Variants in FXN observed in about 807,000 individuals in gnomAD.
FXN encodes the protein frataxin, mitochondrial.
Under a neutral mutation model 22.4 loss-of-function variants are expected in FXN, and 14 were observed. The observed-to-expected ratio is 0.62, with a 90% CI of 0.41 to 0.98. The LOEUF (loss-of-function observed/expected upper bound fraction) is 0.98. Ranked by LOEUF, FXN falls within the 50% of genes least tolerant of loss-of-function variation. The pLI is 0.00. For missense variants in FXN, 267 were observed against 268.4 expected, an observed-to-expected ratio of 0.99 and a Z score of 0.04; for synonymous variants, 120 against 114.1, an observed-to-expected ratio of 1.05 and a Z score of -0.33.
intron 3 of FXN, among the ~76,000 whole-genome samples, chr9:69,056,740 CTT>C (rs796950003): frequency 6.3e-5 from 9 of 142,866 alleles, no homozygotes; most frequent in African/African-American, 2.0e-4. Context: ...TGAAGTGAGT[CTT>C]TTTTTTTTTT....
chr9:69,066,082 C>T (rs1343912252), intron 4 of FXN, among the ~76,000 whole-genome samples: 1 of 152,190 alleles, frequency 6.6e-6, no homozygotes, highest in Non-Finnish European at 1.5e-5. Context: ...CAGGGAGAGA[C>T]ATCCCTCATC....
chr9:69,052,482 C>T (rs938343961), intron 2 of FXN, among the ~76,000 whole-genome samples: 1 of 151,518 alleles, frequency 6.6e-6, no homozygotes, highest in African/African-American at 2.4e-5. Flanking sequence ...ATTGTAGTTG[C>T]CTCTGGGAAT....
At position 69,078,828 on chromosome 9, in the gene FXN, G is replaced by A; in HGVS notation, c.*6066G>A. On this transcript the variant is annotated 3_prime_UTR_variant, in exon 5 of 5. Coordinates refer to ENST00000484259, the MANE Select transcript of FXN (RefSeq NM_000144.5). ...CTCCTCCTCCACTCAGCCTCTGCCT[G>A]GATGCCCTTGATTGTTCCATGTCCT... 1.0e-6 allele frequency: 1 copy of A among 985,672 alleles called. No homozygotes were observed. The allele number at this position is 985,672 out of a possible 1,614,324, so 61.1% of individuals were successfully genotyped here.
At position 69,074,249 on chromosome 9, in the gene FXN, G is replaced by A. The variant is rs1477254198; in HGVS notation, c.*1487G>A. On this transcript the variant is annotated 3_prime_UTR_variant, in exon 5 of 5. Coordinates refer to ENST00000484259, the MANE Select transcript of FXN (RefSeq NM_000144.5). The stretch of plus-strand genomic sequence containing the variant: ...TTATTGTACCCTTACTGGGTTAATC[G>A]TATTATACCACATTACCTCATTTTA... 1.2e-5 allele frequency: 12 copies of A among 979,114 alleles called. No homozygotes were observed. Among genetic ancestry groups the A allele is most frequent in the Non-Finnish European group, 1.5e-5 (12 of 824,464 alleles). The allele number at this position is 979,114 out of a possible 1,614,324, so 60.7% of individuals were successfully genotyped here.
chr9:69,043,523 A>G (rs932270478), intron 1 of FXN: 4 of 151,956 alleles, frequency 2.6e-5, no homozygotes, highest in Non-Finnish European at 5.9e-5. Context: ...GGCTCAAGCA[A>G]TCCTCCCACC....
chr9:69,037,444 G>A (rs1280474325), intron 1 of FXN, among the ~76,000 whole-genome samples: 1 of 151,710 alleles, frequency 6.6e-6, no homozygotes, highest in African/African-American at 2.4e-5. Context: ...CGGCCTGGGC[G>A]ACAGAGCAAG....
At chr9:69,037,893 C>G (rs1342219771) in intron 1 of FXN, among the ~76,000 whole-genome samples, 1 of 152,234 alleles carries the variant, frequency 6.6e-6, no homozygotes, top group Non-Finnish European at 1.5e-5. Flanking sequence ...CTCAGGTGAT[C>G]CGCCCACCTC....
At chr9:69,040,593 G>A (rs1382562329) in intron 1 of FXN, among the ~76,000 whole-genome samples, 4 of 152,112 alleles carry the variant, frequency 2.6e-5, no homozygotes, top group Admixed American at 6.6e-5. Context: ...GCGTGAACCC[G>A]GGAGGCAGAG....
intron 2 of FXN, among the ~76,000 whole-genome samples, chr9:69,049,593 C>T (rs1262621392): frequency 6.6e-6 from 1 of 152,148 alleles, no homozygotes; most frequent in Non-Finnish European, 1.5e-5. Flanking sequence ...AATATATCCT[C>T]ACAGGGGCAC....
chr9:69,052,908 A>C (rs915549662), intron 2 of FXN, among the ~76,000 whole-genome samples: 5 of 150,024 alleles, frequency 3.3e-5, no homozygotes, highest in African/African-American at 1.2e-4. Context: ...CGAGAAGCTG[A>C]GGCACGTGGT....
At chr9:69,039,242 C>G (rs1425371539) in intron 1 of FXN, among the ~76,000 whole-genome samples, 2 of 149,598 alleles carry the variant, frequency 1.3e-5, no homozygotes, top group African/African-American at 4.9e-5. Context: ...GGCGACAGAG[C>G]GAGACTCCGT....
intron 2 of FXN, among the ~76,000 whole-genome samples, chr9:69,050,226 A>G (rs1438754737): frequency 6.6e-6 from 1 of 152,230 alleles, no homozygotes; most frequent in African/African-American, 2.4e-5. Context: ...TCCTATAGAC[A>G]ATTCTATTTT....
In FXN at chr9:69,078,568, T is replaced by C; in HGVS notation, c.*5806T>C. On this transcript the variant is annotated 3_prime_UTR_variant, in exon 5 of 5. Coordinates refer to ENST00000484259, the MANE Select transcript of FXN (RefSeq NM_000144.5). Reference sequence around the variant, plus strand: ...GTTTCTTAGCCTGAAAAATGTGCTTTTCTGACTGAACTGTTCAGGCACTGA... The same window carrying C: ...GTTTCTTAGCCTGAAAAATGTGCTTCTCTGACTGAACTGTTCAGGCACTGA... The C allele has an allele frequency of 1.0e-6, 1 of 985,658 alleles. No individual in the cohort carries two copies. Among genetic ancestry groups the C allele is most frequent in the Non-Finnish European group, 1.2e-6 (1 of 829,946 alleles). 61.1% of individuals were successfully genotyped at this position (985,658 alleles called of 1,614,324 possible).
Position 69,078,000 on chromosome 9 carries a change from T to G in FXN, c.*5238T>G. ...TAAATTATATAGAAAAATAAGACAA[T>G]ATCATTTCCCAATTACATTCCTTTC... On this transcript the variant is annotated 3_prime_UTR_variant, in exon 5 of 5. Transcript: ENST00000484259. The G allele has an allele frequency of 1.0e-6, 1 of 985,310 alleles. No homozygotes were observed. The highest frequency in any genetic ancestry group is 1.2e-6 in the Non-Finnish European group (1 of 829,842). The allele number at this position is 985,310 out of a possible 1,614,324, so 61.0% of individuals were successfully genotyped here. A position where few individuals can be genotyped will look rare whatever the true frequency, so the allele number is the denominator to read the frequency against.
intron 4 of FXN, among the ~76,000 whole-genome samples, chr9:69,065,496 G>A (rs1003049673): frequency 9.5e-5 from 14 of 147,876 alleles, no homozygotes; most frequent in African/African-American, 3.0e-4. Flanking sequence ...AGCCAAGATC[G>A]CGCCACTGCA....
In FXN at chr9:69,076,669, T is replaced by A. The variant is rs1476105723; in HGVS notation, c.*3907T>A. 2 of 985,344 alleles carry A rather than the reference T, an allele frequency of 2.0e-6. No individual in the cohort carries two copies. Among genetic ancestry groups the A allele is most frequent in the South Asian group, 9.4e-5 (2 of 21,294 alleles). 61.0% of individuals were successfully genotyped at this position (985,344 alleles called of 1,614,324 possible). A position where few individuals can be genotyped will look rare whatever the true frequency, so the allele number is the denominator to read the frequency against. On this transcript the variant is annotated 3_prime_UTR_variant, in exon 5 of 5. Coordinates refer to ENST00000484259, the MANE Select transcript of FXN (RefSeq NM_000144.5). The stretch of plus-strand genomic sequence containing the variant: ...CCCATGTTCATAGTGATGGAGTTTG[T>A]GTGGACTAACCATGCAAGGTTGCCA...
chr9:69,039,152 C>T (rs1209408976), intron 1 of FXN, among the ~76,000 whole-genome samples: 1 of 151,792 alleles, frequency 6.6e-6, no homozygotes, highest in African/African-American at 2.4e-5. Flanking sequence ...ACTCAGGAGG[C>T]TGAGGCAGGA....
rs533003127 is a variant in FXN, at chr9:69,078,917, C to G, written c.*6155C>G. On this transcript the variant is annotated 3_prime_UTR_variant, in exon 5 of 5. Transcript: ENST00000484259. Reference sequence around the variant, plus strand: ...ATGTGTCACCCCTGCTTGGCTGTACCTTCCATGAGGCTAGGACTATGTGTC... The same window carrying G: ...ATGTGTCACCCCTGCTTGGCTGTACGTTCCATGAGGCTAGGACTATGTGTC... 34 of 981,800 alleles carry G rather than the reference C, an allele frequency of 3.5e-5. No homozygotes were observed. Among genetic ancestry groups the G allele is most frequent in the Non-Finnish European group, 3.9e-5 (32 of 826,716 alleles). The allele number at this position is 981,800 out of a possible 1,614,324, so 60.8% of individuals were successfully genotyped here. A position where few individuals can be genotyped will look rare whatever the true frequency, so the allele number is the denominator to read the frequency against.
At position 69,070,828 on chromosome 9, in the gene FXN, T is replaced by G. The variant is rs529506847; in HGVS notation, c.483-1784T>G. The stretch of plus-strand genomic sequence containing the variant: ...TTTTTTTTTTCTTAATTTTATTTAT[T>G]TTTAATTAAAAATAATTTTTTTTGT... On this transcript the variant is annotated intron_variant, in intron 4 of 4. Coordinates refer to ENST00000484259, the MANE Select transcript of FXN (RefSeq NM_000144.5). Among the ~76,000 whole-genome samples, 845 of 152,082 alleles carry G rather than the reference T, an allele frequency of 5.6e-3. 1 individual carries two copies. The highest frequency in any genetic ancestry group is 8.7e-3 in the Non-Finnish European group (590 of 68,000).
Sources: gnomAD v4.1 joint callset for allele counts (sites outside exome capture counted in the v4.1 genomes callset) on GRCh38, gnomAD v4.1.1 for gene constraint, MANE v1.5 for transcripts, NCBI Gene and HGNC (gene_info 2026-07-23, HGNC 2026-07-21) for gene names.